The following SLC16A10 variants were observed in gnomAD, a reference collection of about 807,000 sequenced individuals.
The protein encoded by SLC16A10 is monocarboxylate transporter 10.
Under a neutral mutation model 40.0 loss-of-function variants are expected in SLC16A10, and 27 were observed. The observed-to-expected ratio is 0.67, with a 90% CI of 0.50 to 0.93. The LOEUF is 0.93. SLC16A10 is among the 40% of genes least tolerant of loss of function. SLC16A10 has a pLI of 0.00. For missense variants in SLC16A10, 529 were observed against 658.2 expected (o/e 0.80, Z 2.15); for synonymous variants, 213 against 249.8 (o/e 0.85, Z 1.39).
At chr6:111,100,704 A>T (rs1771160002) in intron 1 of SLC16A10, among the ~76,000 whole-genome samples, 1 of 151,114 alleles carries the variant, frequency 6.6e-6, no homozygotes, top group South Asian at 2.1e-4. Context: ...TTTTTTACTC[A>T]CTCCCACAGA....
intron 1 of SLC16A10, among the ~76,000 whole-genome samples, chr6:111,151,701 T>C (rs867723848): frequency 1.3e-5 from 2 of 152,342 alleles, no homozygotes; most frequent in Middle Eastern, 3.4e-3. Context: ...ATGACTGACA[T>C]GGCTTTGCTG....
intron 1 of SLC16A10, among the ~76,000 whole-genome samples, chr6:111,146,244 G>T (rs1218769600): frequency 6.6e-6 from 1 of 152,158 alleles, no homozygotes; most frequent in Non-Finnish European, 1.5e-5. Context: ...AATGCAAATA[G>T]AAGTCACACC....
intron 1 of SLC16A10, among the ~76,000 whole-genome samples, chr6:111,110,520 C>T (rs1420282253): frequency 6.6e-6 from 1 of 151,872 alleles, no homozygotes; most frequent in Admixed American, 6.6e-5. Flanking sequence ...AACCCCTATT[C>T]AGAACCAGGA....
At chr6:111,178,020 A>T (rs1047990332) in intron 3 of SLC16A10, among the ~76,000 whole-genome samples, 1 of 152,214 alleles carries the variant, frequency 6.6e-6, no homozygotes, top group East Asian at 1.9e-4. Flanking sequence ...AAAATAAAAT[A>T]AATGTCCCCA....
intron 1 of SLC16A10, among the ~76,000 whole-genome samples, chr6:111,136,414 A>T (rs919892505): frequency 1.3e-5 from 2 of 152,184 alleles, no homozygotes; most frequent in African/African-American, 4.8e-5. Flanking sequence ...AAGCAGTTAA[A>T]ATAATACAAG....
intron 1 of SLC16A10, among the ~76,000 whole-genome samples, chr6:111,140,857 T>C (rs986968835): frequency 6.6e-6 from 1 of 152,146 alleles, no homozygotes; most frequent in African/African-American, 2.4e-5. Flanking sequence ...GCAATCATGG[T>C]TCACTGCAAC....
chr6:111,133,534 G>A (rs923221464), intron 1 of SLC16A10, among the ~76,000 whole-genome samples: 1 of 152,138 alleles, frequency 6.6e-6, no homozygotes, highest in African/African-American at 2.4e-5. Flanking sequence ...GCCTCCTGAG[G>A]GAAGTATAAA....
chr6:111,205,205 G>A (rs1026258893), intron 3 of SLC16A10, among the ~76,000 whole-genome samples: 5 of 152,170 alleles, frequency 3.3e-5, no homozygotes, highest in Non-Finnish European at 5.9e-5. Context: ...AAAGGAGATG[G>A]TGTTGGGATA....
chr6:111,141,016 C>G (rs1771972801), intron 1 of SLC16A10, among the ~76,000 whole-genome samples: 1 of 152,078 alleles, frequency 6.6e-6, no homozygotes, highest in Non-Finnish European at 1.5e-5. Flanking sequence ...TCTCGAATTC[C>G]AGGGGCTCAA....
In SLC16A10 at chr6:111,227,763, TA is replaced by T. The variant is rs1187906918; in HGVS notation, c.*5529del. 6.6e-6 allele frequency: 1 copy of T among 152,182 alleles called. No individual in the cohort carries two copies. Among genetic ancestry groups the T allele is most frequent in the East Asian group, 1.9e-4 (1 of 5,198 alleles). The allele number at this position is 152,182 out of a possible 1,614,324, so 9.4% of individuals were successfully genotyped here. On this transcript the variant is annotated 3_prime_UTR_variant, in exon 6 of 6. Coordinates refer to ENST00000368851, the MANE Select transcript of SLC16A10 (RefSeq NM_018593.5). Reference sequence around the variant, plus strand: ...TTTTTGAAATAGATTTCAATATTTTTATTAGTAAGTTGGAAAGACAGTAGGA... The same window carrying T: ...TTTTTGAAATAGATTTCAATATTTTTTTAGTAAGTTGGAAAGACAGTAGGA...
chr6:111,167,041 A>C (rs924188026), intron 1 of SLC16A10, among the ~76,000 whole-genome samples: 2 of 152,222 alleles, frequency 1.3e-5, no homozygotes, highest in Non-Finnish European at 2.9e-5. Flanking sequence ...CCACTTTTGC[A>C]TGTTACTAGA....
chr6:111,190,422 G>A (rs1300827777), intron 3 of SLC16A10, among the ~76,000 whole-genome samples: 1 of 152,232 alleles, frequency 6.6e-6, no homozygotes, highest in Non-Finnish European at 1.5e-5. Context: ...GGGTCTGGAG[G>A]ACGGTAGCCC....
chr6:111,087,910 C>T lies in SLC16A10; in HGVS notation c.158C>T (p.Pro53Leu), dbSNP rs1215180442. ...VEKVEVELAG[P>L]ATAEPHEPPE... The stretch of plus-strand genomic sequence containing the variant: ...AAGGTGGAGGTGGAGCTGGCGGGGC[C>T]GGCGACCGCGGAGCCCCATGAGCCC... The change falls in exon 1 of 6, where the codon CCG (proline) becomes CTG (leucine). Residue 53 changes from proline to leucine, a missense_variant. By Grantham distance (98) the Pro-to-Leu change is moderately conservative. Coordinates refer to ENST00000368851, the MANE Select transcript of SLC16A10 (RefSeq NM_018593.5). 2.5e-6 allele frequency: 4 copies of T among 1,582,816 alleles called. No individual in the cohort carries two copies. The highest frequency in any genetic ancestry group is 3.4e-6 in the Non-Finnish European group (4 of 1,166,974).
At chr6:111,205,057 G>A (rs1290464830) in intron 3 of SLC16A10, among the ~76,000 whole-genome samples, 9 of 152,098 alleles carry the variant, frequency 5.9e-5, no homozygotes, top group Non-Finnish European at 1.0e-4. Context: ...CCAATCTAAG[G>A]AGTGTAAATG....
intron 1 of SLC16A10, among the ~76,000 whole-genome samples, chr6:111,172,182 C>T (rs1459521527): frequency 1.3e-5 from 2 of 152,134 alleles, no homozygotes; most frequent in African/African-American, 2.4e-5. Context: ...ACCAAGAATA[C>T]GTTGTAGTTG....
chr6:111,105,804 T>C (rs1419759078), intron 1 of SLC16A10, among the ~76,000 whole-genome samples: 1 of 152,206 alleles, frequency 6.6e-6, no homozygotes, highest in Non-Finnish European at 1.5e-5. Context: ...CCTGAATTGC[T>C]CTGTTGTGAC....
intron 1 of SLC16A10, among the ~76,000 whole-genome samples, chr6:111,166,835 T>C (rs1385173704): frequency 1.3e-5 from 2 of 152,208 alleles, no homozygotes; most frequent in Non-Finnish European, 1.5e-5. Flanking sequence ...AGGAAACAAA[T>C]AGGGTCTGGA....
At chr6:111,114,517 G>A (rs987325710) in intron 1 of SLC16A10, among the ~76,000 whole-genome samples, 14 of 152,122 alleles carry the variant, frequency 9.2e-5, no homozygotes, top group African/African-American at 3.1e-4. Context: ...TTTAGAAATG[G>A]TATAATGTTA....
intron 3 of SLC16A10, among the ~76,000 whole-genome samples, chr6:111,196,438 C>G (rs1203166852): frequency 6.6e-6 from 1 of 152,142 alleles, no homozygotes. Flanking sequence ...GAGCTGTGAT[C>G]GTGCCACTGC....
Sources: allele counts gnomAD v4.1 joint callset (sites outside exome capture counted in the v4.1 genomes callset), GRCh38; gene constraint gnomAD v4.1.1; transcripts MANE v1.5; gene names NCBI Gene and HGNC (gene_info 2026-07-23, HGNC 2026-07-21).